LRRC3B: variants seen among roughly 807,000 people sequenced by gnomAD.
LRRC3B encodes leucine-rich repeat-containing protein 3B.
A neutral mutation model predicts 12.8 loss-of-function variants in LRRC3B; 2 were observed. The ratio of observed to expected loss-of-function variants is 0.16; its 90% CI spans 0.06 to 0.49. LRRC3B has a LOEUF of 0.49. Among genes scored for constraint, LRRC3B ranks in the 20% least tolerant of loss-of-function variants. The pLI is 0.96. For missense variants in LRRC3B, 189 were observed against 319.4 expected (o/e 0.59, Z 3.11); for synonymous variants, 132 against 122.0 (o/e 1.08, Z -0.54).
chr3:26,700,243 GT>G (rs1475178280), intron 1 of LRRC3B, among the ~76,000 whole-genome samples: 1 of 152,108 alleles, frequency 6.6e-6, no homozygotes, highest in Non-Finnish European at 1.5e-5. Flanking sequence ...AGGAAAAGGG[GT>G]TGTCTCCCTC....
intron 1 of LRRC3B, among the ~76,000 whole-genome samples, chr3:26,691,105 GTATATA>G (rs1553605090): frequency 2.0e-4 from 17 of 84,832 alleles, no homozygotes; most frequent in East Asian, 5.6e-4. Context: ...GTGTGTGTGT[GTATATA>G]TATATATATA....
At chr3:26,674,054 TA>T (rs1699807742) in intron 1 of LRRC3B, among the ~76,000 whole-genome samples, 1 of 152,246 alleles carries the variant, frequency 6.6e-6, no homozygotes, top group Admixed American at 6.5e-5. Context: ...TGATTTAATA[TA>T]AATCATTTAA....
At chr3:26,673,918 G>T (rs932628753) in intron 1 of LRRC3B, among the ~76,000 whole-genome samples, 4 of 152,216 alleles carry the variant, frequency 2.6e-5, no homozygotes, top group Non-Finnish European at 4.4e-5. Context: ...TGGAAAGCCA[G>T]CCAGACTGCA....
rs918333036 is a variant in LRRC3B at position 26,648,637 on chromosome 3, C to CCTACCATA, written c.-161+25401_-161+25408dup. On this transcript the variant is annotated intron_variant, in intron 1 of 1. Coordinates refer to ENST00000396641, the Ensembl canonical transcript of LRRC3B. ...AGAGAACCAGAATCCTGCCACATCT[C>CCTACCATA]CTACCATATGGGCTCTCTTTGTTTG... Among the ~76,000 whole-genome samples the CCTACCATA allele has an allele frequency of 7.2e-5, 11 of 152,308 alleles. No homozygotes were observed. The East Asian group carries it at 2.1e-3, about 29-fold the overall frequency.
At chr3:26,672,112 T>A (rs1699761434) in intron 1 of LRRC3B, among the ~76,000 whole-genome samples, 1 of 152,192 alleles carries the variant, frequency 6.6e-6, no homozygotes, top group African/African-American at 2.4e-5. Flanking sequence ...AACTGAGGTG[T>A]TCATTTATCA....
chr3:26,648,643 A>T (rs376735452), intron 1 of LRRC3B, among the ~76,000 whole-genome samples: 6 of 152,136 alleles, frequency 3.9e-5, no homozygotes, highest in Non-Finnish European at 5.9e-5. Flanking sequence ...ATCTCCTACC[A>T]TATGGGCTCT....
At chr3:26,676,771 A>G (rs1211316868) in intron 1 of LRRC3B, among the ~76,000 whole-genome samples, 1 of 152,200 alleles carries the variant, frequency 6.6e-6, no homozygotes, top group Non-Finnish European at 1.5e-5. Context: ...TCATGCTGCT[A>G]TAAAGACACA....
At chr3:26,659,188 T>A (rs1699441487) in intron 1 of LRRC3B, among the ~76,000 whole-genome samples, 1 of 152,216 alleles carries the variant, frequency 6.6e-6, no homozygotes. Flanking sequence ...ATGAAGTAGG[T>A]ACTATTATTG....
chr3:26,628,430 A>G (rs1698677319), intron 1 of LRRC3B, among the ~76,000 whole-genome samples: 1 of 151,214 alleles, frequency 6.6e-6, no homozygotes, highest in African/African-American at 2.4e-5. Context: ...CTGGAAAAAA[A>G]AAAAAAAAAG....
intron 1 of LRRC3B, among the ~76,000 whole-genome samples, chr3:26,632,393 T>C (rs1262221600): frequency 1.3e-5 from 2 of 152,188 alleles, no homozygotes; most frequent in Admixed American, 6.5e-5. Context: ...GGCAGGTCTA[T>C]GCAAACCTAT....
In LRRC3B at chr3:26,671,352, A is replaced by ATATATATATATATATATATATGTATG. The variant is rs1559361649; in HGVS notation, c.-160-38140_-160-38139insGTATGTATATATATATATATATATAT. ...TAAATGTGTGTGTATATATGTGTGT[A>ATATATATATATATATATATATGTATG]TATATATATATATATATATATAGAG... On this transcript the variant is annotated intron_variant, in intron 1 of 1. Transcript: ENST00000396641. Among the ~76,000 whole-genome samples, 5 of 42,900 alleles carry ATATATATATATATATATATATGTATG rather than the reference A, an allele frequency of 1.2e-4. 1 individual carries two copies. The highest frequency in any genetic ancestry group is 5.8e-4 in the African/African-American group (5 of 8,632). The allele number at this position is 42,900 out of a possible 152,430, so 28.1% of individuals were successfully genotyped here.
chr3:26,688,639 C>T (rs1700133017), intron 1 of LRRC3B, among the ~76,000 whole-genome samples: 1 of 152,112 alleles, frequency 6.6e-6, no homozygotes, highest in African/African-American at 2.4e-5. Flanking sequence ...TTTTCAACAA[C>T]CAGATCTCAT....
intron 1 of LRRC3B, among the ~76,000 whole-genome samples, chr3:26,691,650 C>T (rs992370818): frequency 1.3e-5 from 2 of 152,310 alleles, no homozygotes; most frequent in Non-Finnish European, 1.5e-5. Flanking sequence ...TGAGAATTTG[C>T]ATGATGCCTC....
chr3:26,699,434 A>G (rs1337643137), intron 1 of LRRC3B, among the ~76,000 whole-genome samples: 2 of 152,128 alleles, frequency 1.3e-5, no homozygotes, highest in Non-Finnish European at 2.9e-5. Context: ...TGTTGTGCTA[A>G]ATTCCTGAAA....
intron 1 of LRRC3B, among the ~76,000 whole-genome samples, chr3:26,679,917 CAG>C (rs1699935653): frequency 1.3e-5 from 2 of 152,202 alleles, no homozygotes; most frequent in African/African-American, 4.8e-5. Context: ...TGTCACATAA[CAG>C]AGAACACGGA....
chr3:26,697,322 T>C (rs958329532), intron 1 of LRRC3B, among the ~76,000 whole-genome samples: 7 of 152,206 alleles, frequency 4.6e-5, no homozygotes, highest in African/African-American at 1.7e-4. Context: ...TAGCTTCTGG[T>C]AGCTTGTCAG....
rs1700729874 is a variant in LRRC3B, at chr3:26,710,649, A to G, written c.*197A>G. On this transcript the variant is annotated 3_prime_UTR_variant, in exon 2 of 2. Coordinates refer to ENST00000396641, the Ensembl canonical transcript of LRRC3B. ...TTTAGGTGATCCACCCCTTAATTGTACCCCCGATGGTATATTTCTGAGTAA... is the reference window on the plus strand; with the variant it reads ...TTTAGGTGATCCACCCCTTAATTGTGCCCCCGATGGTATATTTCTGAGTAA... 3 of 506,606 alleles carry G rather than the reference A, an allele frequency of 5.9e-6. No homozygotes were observed. In the East Asian group the frequency reaches 9.3e-5, roughly 16 times the overall value. 31.4% of individuals were successfully genotyped at this position (506,606 alleles called of 1,614,324 possible). A position where few individuals can be genotyped will look rare whatever the true frequency, so the allele number is the denominator to read the frequency against.
chr3:26,630,405 C>A (rs1443286598), intron 1 of LRRC3B, among the ~76,000 whole-genome samples: 1 of 152,156 alleles, frequency 6.6e-6, no homozygotes, highest in Non-Finnish European at 1.5e-5. Flanking sequence ...ATAGCACAAA[C>A]CAATTTTATT....
intron 1 of LRRC3B, among the ~76,000 whole-genome samples, chr3:26,677,462 C>G (rs1411734379): frequency 6.6e-6 from 1 of 152,204 alleles, no homozygotes; most frequent in Non-Finnish European, 1.5e-5. Flanking sequence ...AGGGGGCAGG[C>G]TGCTCACCAG....
Sources: allele counts gnomAD v4.1 joint callset (sites outside exome capture counted in the v4.1 genomes callset), GRCh38; gene constraint gnomAD v4.1.1; transcripts MANE v1.5; gene names NCBI Gene and HGNC (gene_info 2026-07-23, HGNC 2026-07-21).